The following RAB38 variants were observed in gnomAD, a reference collection of about 807,000 sequenced individuals.
The protein encoded by RAB38 is RAB38, member RAS oncogene family.
Under a neutral mutation model 18.4 loss-of-function variants are expected in RAB38, and 15 were observed. The ratio of observed to expected loss-of-function variants is 0.82; its 90% CI spans 0.55 to 1.26. The LOEUF is 1.26. Among genes scored for constraint, RAB38 ranks in the 50% most tolerant of loss-of-function variants. RAB38 has a pLI of 0.00. For synonymous variants in RAB38, 101 were observed against 104.4 expected, an observed-to-expected ratio of 0.97 and a Z score of 0.20; for missense variants, 294 against 267.4, an observed-to-expected ratio of 1.10 and a Z score of -0.69.
At chr11:87,870,951 G>A in the RAB38 span, among the ~76,000 whole-genome samples, 4 of 151,620 alleles carry the variant, frequency 2.6e-5, no homozygotes, top group South Asian at 4.2e-4. Context: ...ATCACACATA[G>A]CATTATGTTG....
chr11:88,057,430 T>C, the RAB38 span, among the ~76,000 whole-genome samples: 1 of 151,934 alleles, frequency 6.6e-6, no homozygotes, highest in Non-Finnish European at 1.5e-5. Context: ...AATAAATGCT[T>C]GATTTTCCTG....
chr11:87,811,136 C>T, the RAB38 span, among the ~76,000 whole-genome samples: 141,758 of 152,260 alleles, frequency 0.93, 66,107 homozygotes, highest in East Asian at 0.98. Context: ...CTCCTTACCC[C>T]TGGGAACTGA....
the RAB38 span, among the ~76,000 whole-genome samples, chr11:87,956,967 T>C: frequency 3.8e-5 from 4 of 105,898 alleles, no homozygotes; most frequent in East Asian, 1.7e-3. Context: ...AACCTAAGTA[T>C]AAAAATGCAG....
At chr11:87,900,758 TGGAG>T in the RAB38 span, among the ~76,000 whole-genome samples, 17 of 139,550 alleles carry the variant, frequency 1.2e-4, no homozygotes, top group African/African-American at 3.5e-4. Flanking sequence ...AGAAGGAAGA[TGGAG>T]GGAGGGAGGA....
chr11:88,156,668 C>T lies in RAB38; in HGVS notation c.203-6713G>A, dbSNP rs529406841. Reference sequence around the variant, plus strand: ...AGTGAGCCAAGATCATGCCACTGCACTCCAGCCTGGGCGACAGAGCAAGAC... The same window carrying T: ...AGTGAGCCAAGATCATGCCACTGCATTCCAGCCTGGGCGACAGAGCAAGAC... On this transcript the variant is annotated intron_variant, in intron 1 of 2. Transcript: ENST00000243662. Among the ~76,000 whole-genome samples, 27 of 152,198 alleles carry T rather than the reference C, an allele frequency of 1.8e-4. 2 individuals are homozygous for T. In the South Asian group the frequency reaches 5.4e-3, roughly 30 times the overall value.
At chr11:88,111,669 C>T (rs540435023), downstream of RAB38, among the ~76,000 whole-genome samples, 151 of 152,288 alleles carry the variant, frequency 9.9e-4, no homozygotes, top group Admixed American at 2.7e-3. Flanking sequence ...CTTAATGACC[C>T]TTAAATATGA....
At chr11:87,947,697 G>A in the RAB38 span, among the ~76,000 whole-genome samples, 1 of 152,158 alleles carries the variant, frequency 6.6e-6, no homozygotes, top group Non-Finnish European at 1.5e-5. Context: ...TCAGATGGTT[G>A]TAGATGTGTG....
At chr11:88,065,205 T>C in the RAB38 span, among the ~76,000 whole-genome samples, 1 of 152,216 alleles carries the variant, frequency 6.6e-6, no homozygotes, top group African/African-American at 2.4e-5. Context: ...TTACAAATAT[T>C]CACTCTCTTC....
At chr11:87,826,663 T>G in the RAB38 span, among the ~76,000 whole-genome samples, 1 of 152,192 alleles carries the variant, frequency 6.6e-6, no homozygotes, top group Non-Finnish European at 1.5e-5. Flanking sequence ...CTAATAACTC[T>G]TAAATTTCCA....
chr11:88,134,441 C>T (rs1468800296), intron 2 of RAB38, among the ~76,000 whole-genome samples: 2 of 152,110 alleles, frequency 1.3e-5, no homozygotes, highest in Non-Finnish European at 2.9e-5. Context: ...GGGGTTTCTC[C>T]ATGTTGGCCA....
At chr11:88,078,012 G>T in the RAB38 span, among the ~76,000 whole-genome samples, 698 of 151,982 alleles carry the variant, frequency 4.6e-3, 4 homozygotes, top group African/African-American at 0.016. Flanking sequence ...ATTGGCAAAA[G>T]ATATGAATAT....
chr11:88,076,973 AAAGAAAGAAAG>A, the RAB38 span, among the ~76,000 whole-genome samples: 1 of 71,714 alleles, frequency 1.4e-5, no homozygotes, highest in Non-Finnish European at 2.5e-5. Context: ...AAAAAAAAAA[AAAGAAAGAAAG>A]AAAGAAAAGA....
the RAB38 span, among the ~76,000 whole-genome samples, chr11:87,911,903 T>C: frequency 2.6e-5 from 4 of 152,110 alleles, no homozygotes; most frequent in African/African-American, 7.2e-5. Context: ...ATGTCTAGTA[T>C]GCTGAGAAGC....
At chr11:87,829,844 A>C in the RAB38 span, among the ~76,000 whole-genome samples, 1 of 152,190 alleles carries the variant, frequency 6.6e-6, no homozygotes, top group Non-Finnish European at 1.5e-5. Flanking sequence ...TGAAATTTCA[A>C]CTTTACTAAT....
chr11:87,848,652 C>T, the RAB38 span, among the ~76,000 whole-genome samples: 1 of 152,020 alleles, frequency 6.6e-6, no homozygotes, highest in Non-Finnish European at 1.5e-5. Flanking sequence ...TCTAGTAATG[C>T]CCAATACATA....
the RAB38 span, among the ~76,000 whole-genome samples, chr11:88,079,877 A>C: frequency 6.6e-6 from 1 of 151,886 alleles, no homozygotes; most frequent in South Asian, 2.1e-4. Flanking sequence ...ATACACTAGG[A>C]ATAATGGGTT....
the RAB38 span, among the ~76,000 whole-genome samples, chr11:88,079,730 C>G: frequency 6.6e-6 from 1 of 151,382 alleles, no homozygotes; most frequent in East Asian, 1.9e-4. Flanking sequence ...GAATGCAAAG[C>G]TAGTTCAACA....
At chr11:88,046,123 C>A in the RAB38 span, among the ~76,000 whole-genome samples, 6 of 152,054 alleles carry the variant, frequency 3.9e-5, no homozygotes, top group Admixed American at 3.3e-4. Flanking sequence ...GATCATGCAC[C>A]CTTTACCATC....
chr11:87,940,559 TAC>T, the RAB38 span, among the ~76,000 whole-genome samples: 10 of 151,848 alleles, frequency 6.6e-5, no homozygotes, highest in Non-Finnish European at 1.2e-4. Flanking sequence ...AAGGGTTTTA[TAC>T]ACACACACAC....
Sources: gnomAD v4.1 joint callset for allele counts (sites outside exome capture counted in the v4.1 genomes callset) on GRCh38, gnomAD v4.1.1 for gene constraint, MANE v1.5 for transcripts, NCBI Gene and HGNC (gene_info 2026-07-23, HGNC 2026-07-21) for gene names.